Variants in ETV6 observed in about 807,000 individuals in gnomAD.
ETV6 encodes transcription factor ETV6.
In ETV6, 16 loss-of-function variants were observed where a neutral mutation model predicts 51.1. That is an observed-to-expected ratio of 0.31 (90% CI 0.21 to 0.48). The LOEUF is 0.48. ETV6 is among the 20% of genes least tolerant of loss of function. The probability of loss-of-function intolerance (pLI) is 0.99; values close to 1 mark genes in which losing one functional copy is unlikely to be tolerated. For synonymous variants in ETV6, 240 were observed against 224.1 expected, an observed-to-expected ratio of 1.07 and a Z score of -0.64; for missense variants, 458 against 594.8, an observed-to-expected ratio of 0.77 and a Z score of 2.39.
intron 7 of ETV6, among the ~76,000 whole-genome samples, chr12:11,890,702 T>C (rs1222400152): frequency 2.0e-5 from 3 of 152,132 alleles, no homozygotes; most frequent in African/African-American, 4.8e-5. Flanking sequence ...TAGGATTATA[T>C]GCATGAGCTA....
intron 1 of ETV6, among the ~76,000 whole-genome samples, chr12:11,678,727 G>T (rs1286161638): frequency 6.6e-6 from 1 of 152,150 alleles, no homozygotes; most frequent in East Asian, 1.9e-4. Flanking sequence ...TGGAGACCCA[G>T]GAAAGCCACT....
chr12:11,842,797 C>T (rs1946410065), intron 3 of ETV6, among the ~76,000 whole-genome samples: 1 of 152,152 alleles, frequency 6.6e-6, no homozygotes, highest in Non-Finnish European at 1.5e-5. Flanking sequence ...TTGCTGTGAT[C>T]CTAATGGGAG....
intron 1 of ETV6, among the ~76,000 whole-genome samples, chr12:11,715,281 C>T (rs1865253739): frequency 6.6e-6 from 1 of 151,868 alleles, no homozygotes; most frequent in African/African-American, 2.4e-5. Flanking sequence ...GGAGATGGAC[C>T]CTAGTGATTA....
chr12:11,876,570 A>C (rs1946987719), intron 5 of ETV6, among the ~76,000 whole-genome samples: 1 of 152,184 alleles, frequency 6.6e-6, no homozygotes, highest in Non-Finnish European at 1.5e-5. Context: ...CCTTAATCCA[A>C]AACTCTGCTG....
intron 1 of ETV6, among the ~76,000 whole-genome samples, chr12:11,726,773 A>G: frequency 6.6e-6 from 1 of 152,218 alleles, no homozygotes; most frequent in East Asian, 1.9e-4. Flanking sequence ...CTGTCTTAAA[A>G]GAAAAGTACA....
chr12:11,791,513 G>A (rs989099692), intron 2 of ETV6, among the ~76,000 whole-genome samples: 28 of 152,300 alleles, frequency 1.8e-4, no homozygotes, highest in Middle Eastern at 3.4e-3. Flanking sequence ...TGAGTCACAC[G>A]TGTGGCCCAT....
At position 11,667,525 on chromosome 12, in the gene ETV6, G is replaced by T. The variant is rs1054473204; in HGVS notation, c.33+17365G>T. On this transcript the variant is annotated intron_variant, in intron 1 of 7. Transcript: ENST00000396373. ...AGCAACCTGCTGAAGAACAAACCTG[G>T]TGGTTTATTTTCTTTTTTTTTTTTT... Among the ~76,000 whole-genome samples, 30 of 80,612 alleles carry T rather than the reference G, an allele frequency of 3.7e-4. No individual in the cohort carries two copies. The Admixed American group carries it at 4.9e-3, about 13-fold the overall frequency. 52.9% of individuals were successfully genotyped at this position (80,612 alleles called of 152,430 possible). A position where few individuals can be genotyped will look rare whatever the true frequency, so the allele number is the denominator to read the frequency against.
chr12:11,797,214 T>TAAA (rs561852582), intron 2 of ETV6, among the ~76,000 whole-genome samples: 3 of 150,896 alleles, frequency 2.0e-5, no homozygotes, highest in African/African-American at 7.5e-5. Context: ...TCAGACAGTG[T>TAAA]ACCTAGCAAT....
At chr12:11,785,100 T>A (rs1158128461) in intron 2 of ETV6, among the ~76,000 whole-genome samples, 3 of 152,002 alleles carry the variant, frequency 2.0e-5, no homozygotes, top group Non-Finnish European at 4.4e-5. Flanking sequence ...CTAGCTATTG[T>A]GTAGAGGATA....
chr12:11,891,846 AC>A lies in ETV6; in HGVS notation c.*803del, dbSNP rs1204245831. ...CAAACCCGCATCCCAGCATTGGGCCACCCATCTGAGGGAGGCCAAAATCATC... is the reference window on the plus strand; with the variant it reads ...CAAACCCGCATCCCAGCATTGGGCCACCATCTGAGGGAGGCCAAAATCATC... On this transcript the variant is annotated 3_prime_UTR_variant, in exon 8 of 8. Transcript: ENST00000396373. 1 of 321,460 alleles carries A rather than the reference AC, an allele frequency of 3.1e-6. No homozygotes were observed. Among genetic ancestry groups the A allele is most frequent in the Non-Finnish European group, 6.0e-6 (1 of 166,192 alleles). 19.9% of individuals were successfully genotyped at this position (321,460 alleles called of 1,614,324 possible).
At chr12:11,865,937 A>G (rs1050128927) in intron 4 of ETV6, among the ~76,000 whole-genome samples, 2 of 151,996 alleles carry the variant, frequency 1.3e-5, no homozygotes, top group African/African-American at 2.4e-5. Context: ...TTTGAGGACA[A>G]TCTAGCCATT....
chr12:11,678,219 C>G (rs1864457838), intron 1 of ETV6, among the ~76,000 whole-genome samples: 1 of 152,292 alleles, frequency 6.6e-6, no homozygotes, highest in Admixed American at 6.5e-5. Flanking sequence ...CCCTGGAGAT[C>G]AGAGCAAATC....
intron 2 of ETV6, among the ~76,000 whole-genome samples, chr12:11,788,495 A>G (rs1181338333): frequency 6.6e-6 from 1 of 152,206 alleles, no homozygotes; most frequent in Non-Finnish European, 1.5e-5. Flanking sequence ...CTCAGTTCTT[A>G]GTCCCTTTTC....
chr12:11,712,114 C>T (rs886814307), intron 1 of ETV6, among the ~76,000 whole-genome samples: 1 of 152,120 alleles, frequency 6.6e-6, no homozygotes, highest in Non-Finnish European at 1.5e-5. Flanking sequence ...TTTGAACCCT[C>T]GTAAACATGC....
intron 1 of ETV6, among the ~76,000 whole-genome samples, 184 bp downstream of exon 1, chr12:11,650,344 T>TA (rs1555109433): frequency 7.8e-6 from 1 of 127,508 alleles, no homozygotes; most frequent in Non-Finnish European, 1.6e-5. Flanking sequence ...ACCTTGCTAC[T>TA]CCCCCCCACC....
At chr12:11,808,811 A>AAAG (rs1945868716) in intron 2 of ETV6, among the ~76,000 whole-genome samples, 1 of 152,168 alleles carries the variant, frequency 6.6e-6, no homozygotes, top group Non-Finnish European at 1.5e-5. Flanking sequence ...CTTGGAAGAG[A>AAAG]AAGGATGAAT....
At chr12:11,794,776 A>G (rs1945652806) in intron 2 of ETV6, among the ~76,000 whole-genome samples, 1 of 152,252 alleles carries the variant, frequency 6.6e-6, no homozygotes, top group African/African-American at 2.4e-5. Context: ...GTTCCCAGAA[A>G]TAAAGTCTCT....
intron 3 of ETV6, among the ~76,000 whole-genome samples, chr12:11,845,066 T>C (rs1471897985): frequency 6.6e-6 from 1 of 152,142 alleles, no homozygotes; most frequent in African/African-American, 2.4e-5. Flanking sequence ...CTTGACCTCA[T>C]GATCTACCCA....
chr12:11,890,513 A>T (rs1459090375), intron 7 of ETV6, among the ~76,000 whole-genome samples: 1 of 151,836 alleles, frequency 6.6e-6, no homozygotes, highest in African/African-American at 2.4e-5. Flanking sequence ...CTGCAGCCTT[A>T]ACCTCCTGAG....
Sources: gnomAD v4.1 joint callset for allele counts (sites outside exome capture counted in the v4.1 genomes callset) on GRCh38, gnomAD v4.1.1 for gene constraint, MANE v1.5 for transcripts, NCBI Gene and HGNC (gene_info 2026-07-23, HGNC 2026-07-21) for gene names.